Variants in POU6F2 observed in about 807,000 individuals in gnomAD.
POU6F2 encodes POU class 6 homeobox 2, also known as POU domain, class 6, transcription factor 2.
Under a neutral mutation model 71.3 loss-of-function variants are expected in POU6F2, and 31 were observed. The ratio of observed to expected loss-of-function variants is 0.43; its 90% confidence interval spans 0.33 to 0.59. POU6F2 has a LOEUF of 0.59. Ranked by LOEUF, POU6F2 falls within the 20% of genes least tolerant of loss-of-function variation. The probability of loss-of-function intolerance (pLI) is 0.04; values close to 1 mark genes in which losing one functional copy is unlikely to be tolerated. For missense variants in POU6F2, 783 were observed against 856.8 expected, an observed-to-expected ratio of 0.91 and a Z score of 1.07; for synonymous variants, 347 against 355.7, an observed-to-expected ratio of 0.98 and a Z score of 0.27.
At chr7:39,119,375 G>A (rs188411764) in intron 2 of POU6F2, among the ~76,000 whole-genome samples, 2 of 152,258 alleles carry the variant, frequency 1.3e-5, no homozygotes, top group Admixed American at 1.3e-4. Context: ...AAATATCACT[G>A]TACACTGTGT....
chr7:39,172,144 G>A (rs558866614), intron 2 of POU6F2, among the ~76,000 whole-genome samples: 30 of 152,226 alleles, frequency 2.0e-4, no homozygotes, highest in Non-Finnish European at 4.1e-4. Context: ...AATATTTGAT[G>A]TACTGTCTTC....
At chr7:39,084,723 T>A (rs1021938481) in intron 1 of POU6F2, among the ~76,000 whole-genome samples, 8 of 151,942 alleles carry the variant, frequency 5.3e-5, no homozygotes, top group Admixed American at 4.6e-4. Context: ...TAAAAAAAAA[T>A]AAAACACAGG....
intron 4 of POU6F2, among the ~76,000 whole-genome samples, chr7:39,271,968 A>G (rs1276705837): frequency 2.0e-5 from 3 of 150,046 alleles, no homozygotes; most frequent in South Asian, 2.2e-4. Context: ...TATGAAGAGG[A>G]TGAGGAGTTG....
chr7:39,006,711 C>A, intron 1 of POU6F2: 1 of 836,948 alleles, frequency 1.2e-6, no homozygotes, highest in Non-Finnish European at 2.0e-6. Context: ...GCTGAGTTTT[C>A]TTTGCAATGT....
rs751304924 is a variant in POU6F2, at chr7:39,169,077, T to G, written c.278-35158T>G. On this transcript the variant is annotated intron_variant, in intron 2 of 9. Coordinates refer to ENST00000518318, the MANE Select transcript of POU6F2 (RefSeq NM_001370959.1). ...ATTGTGGAATTAACTGAGTTGTACA[T>G]TTTGATAGTATTCTATGACAAATTC... 2.4e-4 allele frequency among the ~76,000 whole-genome samples: 37 copies of G among 152,222 alleles called. 1 individual carries two copies. In the South Asian group the frequency reaches 2.7e-3, roughly 11 times the overall value.
At chr7:39,223,230 A>C (rs1794403131) in intron 4 of POU6F2, among the ~76,000 whole-genome samples, 1 of 152,204 alleles carries the variant, frequency 6.6e-6, no homozygotes, top group Non-Finnish European at 1.5e-5. Flanking sequence ...GTATGATATC[A>C]AATATTAAAA....
At chr7:39,320,171 CCTGA>C (rs1216680489) in intron 4 of POU6F2, among the ~76,000 whole-genome samples, 6 of 152,178 alleles carry the variant, frequency 3.9e-5, no homozygotes, top group African/African-American at 1.2e-4. Context: ...ATTCTTAAGA[CCTGA>C]CTGAAGAGAA....
chr7:39,402,195 G>GCATCCATA (rs1787319824), intron 5 of POU6F2, among the ~76,000 whole-genome samples: 1 of 152,166 alleles, frequency 6.6e-6, no homozygotes, highest in Non-Finnish European at 1.5e-5. Context: ...ACTATGTATG[G>GCATCCATA]TGACATCCAT....
chr7:39,401,538 C>G (rs1787303395), intron 5 of POU6F2, among the ~76,000 whole-genome samples: 1 of 152,152 alleles, frequency 6.6e-6, no homozygotes, highest in African/African-American at 2.4e-5. Flanking sequence ...TAAGAGAAGA[C>G]TTGAGGGTAA....
At chr7:39,211,491 A>G (rs985087592) in intron 4 of POU6F2, among the ~76,000 whole-genome samples, 2 of 152,160 alleles carry the variant, frequency 1.3e-5, no homozygotes, top group Admixed American at 1.3e-4. Context: ...TATCCAATGA[A>G]AGTTTTGCTT....
chr7:39,374,333 C>G (rs1786669462), intron 5 of POU6F2, among the ~76,000 whole-genome samples: 1 of 152,174 alleles, frequency 6.6e-6, no homozygotes, highest in Admixed American at 6.5e-5. Flanking sequence ...TGCACTGGAC[C>G]TGTACAGTAT....
At chr7:39,413,562 A>C (rs1196480169) in intron 6 of POU6F2, among the ~76,000 whole-genome samples, 1 of 152,238 alleles carries the variant, frequency 6.6e-6, no homozygotes, top group Admixed American at 6.5e-5. Context: ...TAAGCCAAAA[A>C]AAAATCTGAA....
intron 2 of POU6F2, among the ~76,000 whole-genome samples, chr7:39,167,193 T>G (rs1381516968): frequency 6.6e-6 from 1 of 152,064 alleles, no homozygotes; most frequent in Non-Finnish European, 1.5e-5. Flanking sequence ...ATACCTACAC[T>G]CATATGTATA....
chr7:39,078,133 C>T (rs1488456468), intron 1 of POU6F2, among the ~76,000 whole-genome samples: 1 of 152,238 alleles, frequency 6.6e-6, no homozygotes, highest in East Asian at 1.9e-4. Flanking sequence ...AGACCAAGAG[C>T]TGCCACACAT....
intron 2 of POU6F2, among the ~76,000 whole-genome samples, chr7:39,129,740 A>T (rs1008437913): frequency 1.1e-4 from 16 of 152,080 alleles, no homozygotes; most frequent in African/African-American, 2.7e-4. Flanking sequence ...AACAGTTCAA[A>T]CTTCAAAGGG....
chr7:39,247,668 A>G (rs971167873), intron 4 of POU6F2, among the ~76,000 whole-genome samples: 3 of 152,174 alleles, frequency 2.0e-5, no homozygotes, highest in Non-Finnish European at 4.4e-5. Flanking sequence ...ATTCATTGAT[A>G]TATGGGTACT....
intron 2 of POU6F2, among the ~76,000 whole-genome samples, chr7:39,202,466 A>C (rs552926807): frequency 8.5e-5 from 13 of 152,242 alleles, no homozygotes; most frequent in Non-Finnish European, 1.8e-4. Flanking sequence ...ATTTTTAAAA[A>C]ATTGTGCATT....
intron 7 of POU6F2, among the ~76,000 whole-genome samples, chr7:39,448,469 T>C (rs183488255): frequency 1.9e-3 from 291 of 152,324 alleles, no homozygotes; most frequent in African/African-American, 6.7e-3. Context: ...AATAAATGAT[T>C]ATTTACTTTG....
chr7:39,414,440 G>A (rs1409556335), intron 6 of POU6F2, among the ~76,000 whole-genome samples: 1 of 152,234 alleles, frequency 6.6e-6, no homozygotes, highest in African/African-American at 2.4e-5. Flanking sequence ...TGCCCAGGCA[G>A]AGGGAGAGTG....
Sources: allele counts gnomAD v4.1 joint callset (sites outside exome capture counted in the v4.1 genomes callset), GRCh38; gene constraint gnomAD v4.1.1; transcripts MANE v1.5; gene names NCBI Gene and HGNC (gene_info 2026-07-23, HGNC 2026-07-21).